The following PDE11A variants were observed in gnomAD, a reference collection of about 807,000 sequenced individuals.
PDE11A encodes phosphodiesterase 11A.
A neutral mutation model predicts 100.5 loss-of-function variants in PDE11A; 100 were observed. That is an observed-to-expected ratio of 1.00 (90% confidence interval 0.85 to 1.18). The LOEUF is 1.18. Ranked by LOEUF, PDE11A falls within the 50% of genes most tolerant of loss-of-function variation. The pLI is 0.00. For missense variants in PDE11A, 1,141 were observed against 1,152.6 expected, an observed-to-expected ratio of 0.99 and a Z score of 0.15; for synonymous variants, 381 against 420.8, an observed-to-expected ratio of 0.91 and a Z score of 1.16.
Position 177,652,292 on chromosome 2 carries a change from A to C in PDE11A, c.2646+11574T>G, listed in dbSNP as rs567602556. Reference sequence around the variant, plus strand: ...GCTAGAATATCTACCTCCTGGGGGCAAACAGAGGTTTCCTAAGAACATGTC... The same window carrying C: ...GCTAGAATATCTACCTCCTGGGGGCCAACAGAGGTTTCCTAAGAACATGTC... On this transcript the variant is annotated intron_variant, in intron 19 of 19. Transcript: ENST00000286063. Among the ~76,000 whole-genome samples the C allele has an allele frequency of 2.0e-5, 3 of 152,330 alleles. No homozygotes were observed. The East Asian group carries it at 5.8e-4, about 29-fold the overall frequency.
chr2:177,681,532 CAG>C (rs1195834015), intron 15 of PDE11A, among the ~76,000 whole-genome samples: 1 of 152,130 alleles, frequency 6.6e-6, no homozygotes, highest in Non-Finnish European at 1.5e-5. Context: ...TGCTAACTCA[CAG>C]AGTTACTGTG....
intron 5 of PDE11A, among the ~76,000 whole-genome samples, chr2:177,870,774 C>A (rs1380853130): frequency 6.6e-6 from 1 of 152,210 alleles, no homozygotes; most frequent in Non-Finnish European, 1.5e-5. Context: ...CGGGATAATT[C>A]ATGTGCAGTA....
intron 5 of PDE11A, among the ~76,000 whole-genome samples, chr2:177,875,139 G>A (rs1039637974): frequency 5.9e-5 from 9 of 151,892 alleles, no homozygotes; most frequent in South Asian, 2.1e-4. Context: ...CAGGAGAATC[G>A]TTTGAACCTG....
chr2:177,722,151 A>C (rs1482289986), intron 12 of PDE11A, among the ~76,000 whole-genome samples: 4 of 152,120 alleles, frequency 2.6e-5, no homozygotes, highest in Non-Finnish European at 5.9e-5. Context: ...AAAATCCTAT[A>C]TTGTAACTAG....
At chr2:177,700,346 A>G (rs2105539378) in intron 14 of PDE11A, among the ~76,000 whole-genome samples, 1 of 151,674 alleles carries the variant, frequency 6.6e-6, no homozygotes, top group East Asian at 1.9e-4. Context: ...ATAATAATTA[A>G]TGGCACAGCT....
rs769687183 is a variant in PDE11A at position 177,717,472 on chromosome 2, T to C, written c.2044-5594A>G. On this transcript the variant is annotated intron_variant, in intron 12 of 19. Coordinates refer to ENST00000286063, the MANE Select transcript of PDE11A (RefSeq NM_016953.4). Reference sequence around the variant, plus strand: ...TTACCCCATTCTTGACTCTGGTTTATTCTTTTATTTTCAAATAAAATTATA... The same window carrying C: ...TTACCCCATTCTTGACTCTGGTTTACTCTTTTATTTTCAAATAAAATTATA... Among the ~76,000 whole-genome samples the C allele has an allele frequency of 6.5e-4, 99 of 152,352 alleles. 1 individual carries two copies. Among genetic ancestry groups the C allele is most frequent in the Middle Eastern group, 3.4e-3 (1 of 294 alleles).
intron 13 of PDE11A, among the ~76,000 whole-genome samples, chr2:177,710,927 C>T (rs540710455): frequency 8.5e-5 from 13 of 152,340 alleles, no homozygotes; most frequent in South Asian, 2.1e-4. Flanking sequence ...CTTACCTCTT[C>T]GTTGAGGCCT....
chr2:178,061,734 TC>T (rs2105865951), intron 1 of PDE11A, among the ~76,000 whole-genome samples: 1 of 152,348 alleles, frequency 6.6e-6, no homozygotes, highest in Admixed American at 6.5e-5. Flanking sequence ...ATGCGATTCT[TC>T]ATTAAATATA....
chr2:177,948,684 G>C (rs1342542578), intron 2 of PDE11A, among the ~76,000 whole-genome samples: 2 of 152,166 alleles, frequency 1.3e-5, no homozygotes, highest in Non-Finnish European at 2.9e-5. Context: ...CAGGAGGATT[G>C]CTTGAGTCCA....
chr2:177,931,084 C>A (rs1052706584), intron 2 of PDE11A, among the ~76,000 whole-genome samples: 2 of 152,132 alleles, frequency 1.3e-5, no homozygotes, highest in East Asian at 1.9e-4. Flanking sequence ...TTTAAAATCT[C>A]CACCTATCTG....
chr2:177,881,380 T>TATCG (rs1387406435), intron 4 of PDE11A, among the ~76,000 whole-genome samples: 55 of 149,394 alleles, frequency 3.7e-4, no homozygotes, highest in African/African-American at 1.3e-3. Context: ...TCTATCTATC[T>TATCG]ATCTATCCAT....
At chr2:177,967,067 T>A (rs541686534) in intron 2 of PDE11A, among the ~76,000 whole-genome samples, 1 of 152,146 alleles carries the variant, frequency 6.6e-6, no homozygotes, top group Non-Finnish European at 1.5e-5. Context: ...AATTGTTTAC[T>A]GGTTCATTCC....
chr2:177,954,657 G>A (rs192608536), intron 2 of PDE11A, among the ~76,000 whole-genome samples: 6 of 152,296 alleles, frequency 3.9e-5, no homozygotes, highest in Admixed American at 3.3e-4. Flanking sequence ...CAAGACACAC[G>A]ATTCCCCAGT....
chr2:177,651,589 A>C (rs1279267347), intron 19 of PDE11A, among the ~76,000 whole-genome samples: 2 of 151,858 alleles, frequency 1.3e-5, no homozygotes, highest in African/African-American at 2.4e-5. Flanking sequence ...AAAAACACTC[A>C]GCCCTTACTG....
chr2:177,680,362 G>A (rs1053938225), intron 16 of PDE11A, among the ~76,000 whole-genome samples: 1 of 152,080 alleles, frequency 6.6e-6, no homozygotes, highest in Non-Finnish European at 1.5e-5. Context: ...CTTGGAAGAC[G>A]TCCCAGGCAA....
At position 178,052,252 on chromosome 2, in the gene PDE11A, C is replaced by T. The variant is rs571310245; in HGVS notation, c.912+19274G>A. Reference sequence around the variant, plus strand: ...CTACATGGAAACTGAACAACCTGCTCCTGAATGACTACTGGGTACATAACG... The same window carrying T: ...CTACATGGAAACTGAACAACCTGCTTCTGAATGACTACTGGGTACATAACG... On this transcript the variant is annotated intron_variant, in intron 1 of 19. Coordinates refer to ENST00000286063, the MANE Select transcript of PDE11A (RefSeq NM_016953.4). 4.1e-3 allele frequency among the ~76,000 whole-genome samples: 629 copies of T among 152,292 alleles called. 8 individuals are homozygous for T. The highest frequency in any genetic ancestry group is 0.014 in the African/African-American group (587 of 41,548).
chr2:178,066,177 T>C (rs1046781561), intron 1 of PDE11A, among the ~76,000 whole-genome samples: 4 of 152,030 alleles, frequency 2.6e-5, no homozygotes, highest in African/African-American at 9.7e-5. Context: ...AGAAAAGCAC[T>C]ATCTGGGCAT....
At chr2:178,010,897 T>C (rs76612200) in intron 2 of PDE11A, among the ~76,000 whole-genome samples, 2,723 of 152,274 alleles carry the variant, frequency 0.018, 107 homozygotes, top group African/African-American at 0.063. Context: ...TATAAAGAAA[T>C]ATATTCCCCT....
chr2:177,711,669 CG>C (rs2081360683), intron 13 of PDE11A, 99 bp downstream of exon 13: 14 of 753,670 alleles, frequency 1.9e-5, no homozygotes, highest in Non-Finnish European at 3.3e-5. Context: ...GCCTTGGCCT[CG>C]GATGCCAGAA....
Sources: gnomAD v4.1 joint callset for allele counts (sites outside exome capture counted in the v4.1 genomes callset) on GRCh38, gnomAD v4.1.1 for gene constraint, MANE v1.5 for transcripts, NCBI Gene and HGNC (gene_info 2026-07-23, HGNC 2026-07-21) for gene names.